FBN2: variants seen among roughly 807,000 people sequenced by gnomAD.
FBN2 encodes fibrillin-2.
A neutral mutation model predicts 355.6 loss-of-function variants in FBN2; 105 were observed. That is an observed-to-expected ratio of 0.30 (90% CI 0.25 to 0.35). The LOEUF is 0.35. Ranked by LOEUF, FBN2 falls within the 10% of genes least tolerant of loss-of-function variation. The pLI is 1.00. For synonymous variants in FBN2, 1,350 were observed against 1,301.2 expected (o/e 1.04, Z -0.81); for missense variants, 3,280 against 3,758.7 (o/e 0.87, Z 3.33).
chr5:128,429,014 C>G lies in FBN2; in HGVS notation c.952+17467G>C, dbSNP rs1477210199. 2.3e-4 allele frequency among the ~76,000 whole-genome samples: 35 copies of G among 152,196 alleles called. 1 individual carries two copies. The highest frequency in any genetic ancestry group is 2.3e-3 in the Admixed American group (35 of 15,280). On this transcript the variant is annotated intron_variant, in intron 7 of 64. Coordinates refer to ENST00000262464, the MANE Select transcript of FBN2 (RefSeq NM_001999.4). ...GCCACCCTCCAGGTAGTTGCATGGA[C>G]AGAGCCCCTCTCAGGACAATTCAAC...
intron 62 of FBN2, among the ~76,000 whole-genome samples, chr5:128,264,029 G>A (rs1165852113): frequency 6.6e-6 from 1 of 152,062 alleles, no homozygotes; most frequent in Non-Finnish European, 1.5e-5. Context: ...GGGGCCTGTC[G>A]GGAGGAAGAA....
Position 128,538,164 on chromosome 5 carries a change from G to C in FBN2, c.-561C>G, listed in dbSNP as rs537056736. On this transcript the variant is annotated 5_prime_UTR_variant, in exon 1 of 65. Transcript: ENST00000262464. The stretch of plus-strand genomic sequence containing the variant: ...CAACGAAGCGCGGGTAGCGGCTGCG[G>C]AGCCGGGCGGAGGTGCGCGGGGCCG... The C allele has an allele frequency of 1.9e-5, 3 of 155,028 alleles. No individual in the cohort carries two copies. The highest frequency in any genetic ancestry group is 1.8e-4 in the South Asian group (1 of 5,710). 9.6% of individuals were successfully genotyped at this position (155,028 alleles called of 1,614,324 possible).
chr5:128,272,475 T>C (rs1411135173), intron 61 of FBN2, among the ~76,000 whole-genome samples: 3 of 147,350 alleles, frequency 2.0e-5, no homozygotes, highest in East Asian at 3.9e-4. Flanking sequence ...TATATATATA[T>C]ATATATATAT....
chr5:128,355,691 A>G (rs1298897403), intron 20 of FBN2, among the ~76,000 whole-genome samples: 1 of 152,176 alleles, frequency 6.6e-6, no homozygotes, highest in East Asian at 1.9e-4. Flanking sequence ...TTTTTCAACT[A>G]GATTCTCTTT....
chr5:128,344,099 T>TA (rs1205442140), intron 25 of FBN2, among the ~76,000 whole-genome samples: 1 of 152,018 alleles, frequency 6.6e-6, no homozygotes, highest in Non-Finnish European at 1.5e-5. Flanking sequence ...ATTAACTTTT[T>TA]AATTAGCTGT....
At chr5:128,300,710 T>C in intron 48 of FBN2, 107 bp downstream of exon 48, 1 of 1,097,334 alleles carries the variant, frequency 9.1e-7, no homozygotes, top group South Asian at 1.2e-5. Flanking sequence ...TTTAATTCCT[T>C]AGGTCAGCAT....
rs926602618 is a variant in FBN2, at chr5:128,349,565, A to G, written c.2864-93T>C. 5.8e-6 allele frequency: 8 copies of G among 1,370,748 alleles called. No homozygotes were observed. In the Admixed American group the frequency reaches 1.3e-4, roughly 23 times the overall value. 84.9% of individuals were successfully genotyped at this position (1,370,748 alleles called of 1,614,324 possible). ...TTCCTGTATAGCATTTTCAATCCAC[A>G]TTCAATACAATGTGGATTATTACTT... is the stretch of plus-strand genomic sequence containing the variant. On this transcript the variant is annotated intron_variant, in intron 22 of 64. Coordinates refer to ENST00000262464, the MANE Select transcript of FBN2 (RefSeq NM_001999.4).
At chr5:128,319,922 G>T (rs1750323729) in intron 34 of FBN2, among the ~76,000 whole-genome samples, 2 of 152,142 alleles carry the variant, frequency 1.3e-5, no homozygotes, top group Admixed American at 1.3e-4. Context: ...CGTCATTTTA[G>T]GCTAGACTAG....
chr5:128,488,731 A>G (rs890406001), intron 5 of FBN2, among the ~76,000 whole-genome samples: 1 of 144,388 alleles, frequency 6.9e-6, no homozygotes, highest in African/African-American at 2.6e-5. Flanking sequence ...ATTCCCATCT[A>G]TGAGTGAGAA....
At chr5:128,260,744 T>C (rs1015526305) in intron 64 of FBN2, among the ~76,000 whole-genome samples, 1 of 152,218 alleles carries the variant, frequency 6.6e-6, no homozygotes, top group Non-Finnish European at 1.5e-5. Flanking sequence ...CATGAACTTT[T>C]TGGCTAGACA....
intron 2 of FBN2, among the ~76,000 whole-genome samples, chr5:128,533,953 A>G (rs919342388): frequency 1.3e-5 from 2 of 152,202 alleles, no homozygotes; most frequent in African/African-American, 4.8e-5. Flanking sequence ...CTAGGCTACA[A>G]CTAAGCACAA....
chr5:128,411,816 C>G (rs1453344773), intron 7 of FBN2, among the ~76,000 whole-genome samples: 1 of 152,182 alleles, frequency 6.6e-6, no homozygotes, highest in Non-Finnish European at 1.5e-5. Flanking sequence ...TGCCTCCTGT[C>G]TGTATCACAA....
intron 6 of FBN2, among the ~76,000 whole-genome samples, chr5:128,451,261 TTAAAG>T (rs1754236453): frequency 6.6e-6 from 1 of 152,170 alleles, no homozygotes; most frequent in Admixed American, 6.5e-5. Context: ...TTGTACTGAA[TTAAAG>T]TAGATTTCAG....
chr5:128,484,017 C>T (rs907187124), intron 5 of FBN2, among the ~76,000 whole-genome samples: 1 of 151,918 alleles, frequency 6.6e-6, no homozygotes, highest in African/African-American at 2.4e-5. Flanking sequence ...TTCCAGAAAG[C>T]GAATTACATA....
At chr5:128,390,601 T>C (rs1024120452) in intron 11 of FBN2, among the ~76,000 whole-genome samples, 1 of 152,218 alleles carries the variant, frequency 6.6e-6, no homozygotes, top group Non-Finnish European at 1.5e-5. Context: ...TGTGACAAAA[T>C]GTACATTACA....
At chr5:128,516,050 C>G (rs540044790) in intron 5 of FBN2, among the ~76,000 whole-genome samples, 1 of 152,286 alleles carries the variant, frequency 6.6e-6, no homozygotes, top group East Asian at 1.9e-4. Context: ...GGACTCTAGA[C>G]AGGCCACATT....
chr5:128,263,361 G>T, intron 63 of FBN2, 64 bp downstream of exon 63: 1 of 1,204,440 alleles, frequency 8.3e-7, no homozygotes, highest in Non-Finnish European at 1.2e-6. Flanking sequence ...TGCAGTGGGG[G>T]GTGGCCTGAA....
chr5:128,471,010 A>G (rs1169795683), intron 5 of FBN2, among the ~76,000 whole-genome samples: 1 of 152,210 alleles, frequency 6.6e-6, no homozygotes, highest in East Asian at 1.9e-4. Flanking sequence ...CTGATCTTGG[A>G]AAGTACATTT....
At chr5:128,310,839 A>C (rs1295249479) in intron 39 of FBN2, among the ~76,000 whole-genome samples, 1 of 152,086 alleles carries the variant, frequency 6.6e-6, no homozygotes, top group East Asian at 1.9e-4. Flanking sequence ...CCCTAAAAGA[A>C]TTGAAATACC....
Sources: gnomAD v4.1 joint callset for allele counts (sites outside exome capture counted in the v4.1 genomes callset) on GRCh38, gnomAD v4.1.1 for gene constraint, MANE v1.5 for transcripts, NCBI Gene and HGNC (gene_info 2026-07-23, HGNC 2026-07-21) for gene names.